DCDC2: variants seen among roughly 807,000 people sequenced by gnomAD.
The protein encoded by DCDC2 is doublecortin domain containing 2.
DCDC2 carries 40 observed loss-of-function variants against 50.2 expected under a neutral mutation model. The ratio of observed to expected loss-of-function variants is 0.80; its 90% confidence interval spans 0.62 to 1.04. The LOEUF (loss-of-function observed/expected upper bound fraction) is 1.04. Ranked by LOEUF, DCDC2 falls within the 50% of genes least tolerant of loss-of-function variation. DCDC2 has a pLI of 0.00. For missense variants in DCDC2, 570 were observed against 581.9 expected (o/e 0.98, Z 0.21); for synonymous variants, 234 against 210.6 (o/e 1.11, Z -0.96).
At chr6:24,350,454 C>T (rs140176275) in intron 2 of DCDC2, among the ~76,000 whole-genome samples, 4 of 152,178 alleles carry the variant, frequency 2.6e-5, no homozygotes, top group African/African-American at 7.2e-5. Flanking sequence ...AAAATGTACT[C>T]GGAATAATTA....
chr6:24,276,817 T>C (rs1306063031), intron 7 of DCDC2, among the ~76,000 whole-genome samples: 1 of 151,408 alleles, frequency 6.6e-6, no homozygotes. Context: ...TAAAAAGAAA[T>C]CTTCATAAGA....
chr6:24,209,722 T>C (rs1233658173), intron 7 of DCDC2, among the ~76,000 whole-genome samples: 2 of 152,162 alleles, frequency 1.3e-5, no homozygotes, highest in Admixed American at 6.5e-5. Flanking sequence ...GCAAGTATAA[T>C]AACAGAATGC....
intron 7 of DCDC2, among the ~76,000 whole-genome samples, chr6:24,221,574 C>T (rs925402009): frequency 1.4e-4 from 22 of 152,332 alleles, no homozygotes; most frequent in African/African-American, 5.1e-4. Context: ...TCCCCCAAAG[C>T]TCTTCACACA....
At chr6:24,382,013 C>CAGGCAGGCAGGT in the DCDC2 span, among the ~76,000 whole-genome samples, 1 of 92,902 alleles carries the variant, frequency 1.1e-5, no homozygotes. Flanking sequence ...GGAAGGAAGG[C>CAGGCAGGCAGGT]AGGCAAGCTA....
intron 7 of DCDC2, among the ~76,000 whole-genome samples, chr6:24,226,967 T>C (rs929867879): frequency 6.6e-6 from 1 of 152,220 alleles, no homozygotes; most frequent in Non-Finnish European, 1.5e-5. Context: ...AGTAGTGTTC[T>C]GGGAGATTTG....
At chr6:24,362,277 GTA>G (rs1314355858), upstream of DCDC2, among the ~76,000 whole-genome samples, 46 of 145,024 alleles carry the variant, frequency 3.2e-4, no homozygotes, top group African/African-American at 1.1e-3. Flanking sequence ...TTATTTAATT[GTA>G]TGTTTATACA....
At chr6:24,175,820 A>T (rs967426411) in intron 9 of DCDC2, among the ~76,000 whole-genome samples, 4 of 152,256 alleles carry the variant, frequency 2.6e-5, no homozygotes, top group Non-Finnish European at 5.9e-5. Flanking sequence ...CTTCTGTAAA[A>T]GTTAACTATT....
At chr6:24,280,317 C>T (rs1763443862) in intron 6 of DCDC2, among the ~76,000 whole-genome samples, 1 of 151,128 alleles carries the variant, frequency 6.6e-6, no homozygotes, top group Non-Finnish European at 1.5e-5. Context: ...ATTCCAACTG[C>T]AATTTAAACA....
intron 8 of DCDC2, among the ~76,000 whole-genome samples, chr6:24,193,111 A>G (rs2113752419): frequency 6.6e-6 from 1 of 152,238 alleles, no homozygotes; most frequent in South Asian, 2.1e-4. Context: ...GAGAGAAATT[A>G]TATCAAACCT....
At chr6:24,207,256 T>TTCTCTCTCTCTCTCTCTCTCTCTCTCTC (rs60603298) in intron 7 of DCDC2, among the ~76,000 whole-genome samples, 2 of 129,604 alleles carry the variant, frequency 1.5e-5, no homozygotes, top group African/African-American at 2.8e-5. Context: ...CCATCTATCT[T>TTCTCTCTCTCTCTCTCTCTCTCTCTCTC]TCTCTCTCTC....
chr6:24,359,561 TTTTTATATATATA>T (rs1225618520), upstream of DCDC2, among the ~76,000 whole-genome samples: 176 of 115,348 alleles, frequency 1.5e-3, 1 homozygote, highest in East Asian at 0.015. Context: ...ATATTATATA[TTTTTATATATATA>T]TTTTATATAT....
chr6:24,248,251 T>G (rs1762726006), intron 7 of DCDC2, among the ~76,000 whole-genome samples: 1 of 152,168 alleles, frequency 6.6e-6, no homozygotes, highest in South Asian at 2.1e-4. Context: ...TAGCCACCAT[T>G]ATTACCACAG....
At chr6:24,247,089 T>C (rs976459198) in intron 7 of DCDC2, among the ~76,000 whole-genome samples, 3 of 152,188 alleles carry the variant, frequency 2.0e-5, no homozygotes, top group Admixed American at 6.5e-5. Flanking sequence ...ACTACTGCTA[T>C]GTTTTGAGGA....
chr6:24,207,586 G>T (rs909837620), intron 7 of DCDC2, among the ~76,000 whole-genome samples: 3 of 152,126 alleles, frequency 2.0e-5, no homozygotes, highest in African/African-American at 7.2e-5. Context: ...AGCGCTGCTG[G>T]TGAGGGTTTT....
upstream of DCDC2, among the ~76,000 whole-genome samples, chr6:24,359,505 T>A (rs1280544934): frequency 2.0e-5 from 2 of 100,808 alleles, no homozygotes; most frequent in Non-Finnish European, 3.7e-5. Context: ...TATATATATT[T>A]TATATATTAT....
At chr6:24,247,727 T>C (rs1762710347) in intron 7 of DCDC2, among the ~76,000 whole-genome samples, 1 of 152,162 alleles carries the variant, frequency 6.6e-6, no homozygotes, top group Non-Finnish European at 1.5e-5. Flanking sequence ...CAACAGAGTA[T>C]GGAGGCAGAG....
At position 24,179,310 on chromosome 6, in the gene DCDC2, G is replaced by A. The variant is rs1289694577; in HGVS notation, c.1024-678C>T. On this transcript the variant is annotated intron_variant, in intron 8 of 9. Coordinates refer to ENST00000378454, the MANE Select transcript of DCDC2 (RefSeq NM_016356.5). ...CACTTGTAATCCTAGCACTTTGGGA[G>A]GCCGAGGCGGGCAGATCATGAGGTC... Among the ~76,000 whole-genome samples the A allele has an allele frequency of 4.6e-5, 7 of 152,062 alleles. No homozygotes were observed. The East Asian group carries it at 9.6e-4, about 21-fold the overall frequency.
chr6:24,251,862 A>C lies in DCDC2; in HGVS notation c.922+26187T>G, dbSNP rs138571891. Among the ~76,000 whole-genome samples the C allele has an allele frequency of 5.9e-5, 9 of 152,308 alleles. No individual in the cohort carries two copies. In the East Asian group the frequency reaches 9.6e-4, roughly 16 times the overall value. ...TTCCAATTATATTCTGTATACAACC[A>C]TCAGATAATTTTCCCAAAAATGTTA... On this transcript the variant is annotated intron_variant, in intron 7 of 9. Coordinates refer to ENST00000378454, the MANE Select transcript of DCDC2 (RefSeq NM_016356.5).
At chr6:24,277,751 G>T (rs2113819312) in intron 7 of DCDC2, among the ~76,000 whole-genome samples, 1 of 152,054 alleles carries the variant, frequency 6.6e-6, no homozygotes, top group South Asian at 2.1e-4. Flanking sequence ...AGTAGTTGTA[G>T]GTAAAAATAT....
Sources: allele counts gnomAD v4.1 joint callset (sites outside exome capture counted in the v4.1 genomes callset), GRCh38; gene constraint gnomAD v4.1.1; transcripts MANE v1.5; gene names NCBI Gene and HGNC (gene_info 2026-07-23, HGNC 2026-07-21).